The following COL11A1 variants were observed in gnomAD, a reference collection of about 807,000 sequenced individuals.
COL11A1 encodes collagen type XI alpha 1 chain, also known as collagen alpha-1(XI) chain.
COL11A1 carries 74 observed loss-of-function variants against 265.2 expected under a neutral mutation model. The observed-to-expected ratio is 0.28, with a 90% CI of 0.23 to 0.34. The LOEUF (loss-of-function observed/expected upper bound fraction) is 0.34, where lower values mean the gene tolerates loss of function less well. Ranked by LOEUF, COL11A1 falls within the 10% of genes least tolerant of loss-of-function variation. The pLI, the probability that COL11A1 is intolerant of heterozygous loss-of-function variation, is 1.00. For missense variants in COL11A1, 2,165 were observed against 2,263.6 expected, an observed-to-expected ratio of 0.96 and a Z score of 0.88; for synonymous variants, 816 against 727.6, an observed-to-expected ratio of 1.12 and a Z score of -1.96.
Position 102,998,297 on chromosome 1 carries a change from A to G in COL11A1, c.2196+13T>C. Reference sequence around the variant, plus strand: ...TGTAAAGAAATTTTAATGACCAGGTAGCTGTTACTTACAGGAGGCCCATCA... The same window carrying G: ...TGTAAAGAAATTTTAATGACCAGGTGGCTGTTACTTACAGGAGGCCCATCA... On this transcript the variant is annotated intron_variant, in intron 25 of 66. Transcript: ENST00000370096. 6.2e-7 allele frequency: 1 copy of G among 1,603,460 alleles called. No homozygotes were observed. The highest frequency in any genetic ancestry group is 8.5e-7 in the Non-Finnish European group (1 of 1,172,440).
chr1:102,924,565 A>C (rs1246088298), intron 46 of COL11A1, among the ~76,000 whole-genome samples: 3 of 152,196 alleles, frequency 2.0e-5, no homozygotes, highest in Admixed American at 6.5e-5. Flanking sequence ...TTAGGTGTTA[A>C]CTGTTTAGGA....
Position 102,940,360 on chromosome 1 carries a change from A to G in COL11A1, c.3351T>C (p.Gly1117=). Residue 1117 remains glycine, a synonymous_variant, in exon 43 of 67, where the codon GGT becomes GGC. Coordinates refer to ENST00000370096, the MANE Select transcript of COL11A1 (RefSeq NM_001854.4). ...CGTCTTCCCCAGGGGAGCCGGCAGG[A>G]CCAGCTGGCCCTGGGAGACCAACAG... The part of the protein sequence containing the change: ...QGPVGLPGPA[G]PAGSPGEDGD... The G allele has an allele frequency of 6.2e-7, 1 of 1,614,004 alleles. No individual in the cohort carries two copies. The highest frequency in any genetic ancestry group is 2.2e-5 in the East Asian group (1 of 44,870).
At chr1:103,007,110 A>G (rs1278151148) in intron 15 of COL11A1, among the ~76,000 whole-genome samples, 1 of 152,106 alleles carries the variant, frequency 6.6e-6, no homozygotes, top group East Asian at 1.9e-4. Flanking sequence ...GTGAACTGCT[A>G]AAGTCTTTAA....
chr1:103,055,249 A>G (rs1670152491), intron 4 of COL11A1, among the ~76,000 whole-genome samples: 1 of 152,294 alleles, frequency 6.6e-6, no homozygotes, highest in African/African-American at 2.4e-5. Context: ...TACTTGTTAG[A>G]TACTGTATGA....
Position 102,915,675 on chromosome 1 carries a change from C to T in COL11A1, c.3772G>A (p.Gly1258Arg), listed in dbSNP as rs1275206156. Reference sequence around the variant, plus strand: ...GGAGGCCCTGGGTTCCCTGCTTCTCCAGGTTCACCCTATATAGAGAAGATC... The same window carrying T: ...GGAGGCCCTGGGTTCCCTGCTTCTCTAGGTTCACCCTATATAGAGAAGATC... ...VGGVGEKGEP[G>R]EAGNPGPPGE... The change falls in exon 50 of 67, where the codon GGA (glycine) becomes AGA (arginine). Residue 1258 changes from glycine to arginine, a missense_variant. Gly to Arg is a moderately radical substitution (Grantham distance 125). Coordinates refer to ENST00000370096, the MANE Select transcript of COL11A1 (RefSeq NM_001854.4). 1 of 1,611,612 alleles carries T rather than the reference C, an allele frequency of 6.2e-7. No homozygotes were observed. Among genetic ancestry groups the T allele is most frequent in the Non-Finnish European group, 8.5e-7 (1 of 1,177,758 alleles).
rs1370272606 is a variant in COL11A1 at position 102,883,118 on chromosome 1, T to C, written c.4971+81A>G. 12 of 883,822 alleles carry C rather than the reference T, an allele frequency of 1.4e-5. No homozygotes were observed. The Admixed American group carries it at 1.9e-4, about 14-fold the overall frequency. 54.7% of individuals were successfully genotyped at this position (883,822 alleles called of 1,614,324 possible). ...AAGCAGATAAATGAAAATATGACAG[T>C]ATAATTTTCCTGTTTAGTTCAATAT... On this transcript the variant is annotated intron_variant, in intron 64 of 66. Transcript: ENST00000370096.
intron 63 of COL11A1, 65 bp downstream of exon 63, chr1:102,886,742 C>A: frequency 6.3e-7 from 1 of 1,582,546 alleles, no homozygotes; most frequent in African/African-American, 1.3e-5. Context: ...AATGAATGAG[C>A]TGCCAATGCA....
Position 103,026,285 on chromosome 1 carries a change from T to A in COL11A1, c.828A>T (p.Ala276=), listed in dbSNP as rs764926559. 41 of 1,613,666 alleles carry A rather than the reference T, an allele frequency of 2.5e-5. No individual in the cohort carries two copies. The South Asian group carries it at 4.3e-4, about 17-fold the overall frequency. Residue 276 remains alanine, a synonymous_variant, in exon 6 of 67, where the codon GCA becomes GCT. Coordinates refer to ENST00000370096, the MANE Select transcript of COL11A1 (RefSeq NM_001854.4). The stretch of plus-strand genomic sequence containing the variant: ...TTACACTTTCAGCCTCTTTATACTC[T>A]GCTTCCCCATACTCATAGTCATATT... ...IIEYDYEYGE[A]EYKEAESVTE...
chr1:103,025,188 C>G (rs1667418464), intron 7 of COL11A1, among the ~76,000 whole-genome samples: 1 of 152,038 alleles, frequency 6.6e-6, no homozygotes, highest in Non-Finnish European at 1.5e-5. Flanking sequence ...ATTCTTCTCA[C>G]AGAAGAAACA....
Position 102,978,433 on chromosome 1 carries a change from A to T in COL11A1, c.2754+275T>A, listed in dbSNP as rs182801385. ...GATGTTTCAAGTGTATTTAAAATTTAAAAAATATCTATTTTTGTCTTGACT... is the reference window on the plus strand; with the variant it reads ...GATGTTTCAAGTGTATTTAAAATTTTAAAAATATCTATTTTTGTCTTGACT... On this transcript the variant is annotated intron_variant, in intron 35 of 66. Transcript: ENST00000370096. Among the ~76,000 whole-genome samples, 6 of 152,298 alleles carry T rather than the reference A, an allele frequency of 3.9e-5. No homozygotes were observed. In the East Asian group the frequency reaches 9.7e-4, roughly 25 times the overall value.
chr1:102,923,341 G>C lies in COL11A1; in HGVS notation c.3649C>G (p.Pro1217Ala), dbSNP rs868619394. ...GEKGENGDVG[P>A]MGPPGPPGPR... ...CACCAAAAATAAAAACTTACCATGGGACCAACATCCCCATTTTCACCTTTT... is the reference window on the plus strand; with the variant it reads ...CACCAAAAATAAAAACTTACCATGGCACCAACATCCCCATTTTCACCTTTT... Residue 1217 changes from proline (P) to alanine (A), a missense_variant, in exon 47 of 67, where the codon CCC (proline) becomes GCC (alanine). Coordinates refer to ENST00000370096, the MANE Select transcript of COL11A1 (RefSeq NM_001854.4). The C allele has an allele frequency of 6.2e-7, 1 of 1,606,594 alleles. No homozygotes were observed. Among genetic ancestry groups the C allele is most frequent in the Non-Finnish European group, 8.5e-7 (1 of 1,175,690 alleles).
At chr1:102,919,382 C>T (rs1389122180) in intron 49 of COL11A1, among the ~76,000 whole-genome samples, 1 of 151,298 alleles carries the variant, frequency 6.6e-6, no homozygotes, top group Non-Finnish European at 1.5e-5. Context: ...GAATTAAATG[C>T]TTTAATTAAA....
rs756352775 is a variant in COL11A1 at position 103,015,730 on chromosome 1, G to T, written c.1426C>A (p.Arg476Ser). The T allele has an allele frequency of 6.2e-7, 1 of 1,604,248 alleles. No individual in the cohort carries two copies. The highest frequency in any genetic ancestry group is 1.1e-5 in the South Asian group (1 of 89,652). ...CCATCAGCCCCTGGTAAGCCAGGAC[G>T]TCCTGGGGGGCCCTAGAAAAATAAA... is the stretch of plus-strand genomic sequence containing the variant. ...GDPGDRGPPG[R>S]PGLPGADGLP... Residue 476 changes from arginine (R) to serine (S), a missense_variant, in exon 12 of 67, where the codon CGT becomes AGT. By Grantham distance (110) the Arg-to-Ser change is moderately radical. Coordinates refer to ENST00000370096, the MANE Select transcript of COL11A1 (RefSeq NM_001854.4).
intron 48 of COL11A1, among the ~76,000 whole-genome samples, chr1:102,921,201 A>G (rs191932644): frequency 1.3e-5 from 2 of 152,340 alleles, no homozygotes; most frequent in Admixed American, 6.5e-5. Context: ...TATCATATGC[A>G]AGGCACAGTC....
chr1:102,904,701 T>C lies in COL11A1; in HGVS notation c.4087-5707A>G, dbSNP rs377410605. On this transcript the variant is annotated intron_variant, in intron 54 of 66. Coordinates refer to ENST00000370096, the MANE Select transcript of COL11A1 (RefSeq NM_001854.4). Reference sequence around the variant, plus strand: ...TACCATCTCACACCAGTTAGAATGGTGATCATTAAAAAGTCAGGAAACAAC... The same window carrying C: ...TACCATCTCACACCAGTTAGAATGGCGATCATTAAAAAGTCAGGAAACAAC... Among the ~76,000 whole-genome samples the C allele has an allele frequency of 9.9e-5, 15 of 151,866 alleles. No homozygotes were observed. In the South Asian group the frequency reaches 1.0e-3, roughly 11 times the overall value.
chr1:103,008,118 G>T (rs1350381517), intron 15 of COL11A1, among the ~76,000 whole-genome samples: 1 of 152,046 alleles, frequency 6.6e-6, no homozygotes, highest in Non-Finnish European at 1.5e-5. Context: ...TTTATAAAAA[G>T]AAAGTGTTGA....
rs886327551 is a variant in COL11A1, at chr1:102,962,873, C to A, written c.2917-113G>T. The A allele has an allele frequency of 1.5e-5, 14 of 916,748 alleles. No homozygotes were observed. The African/African-American group carries it at 2.1e-4, about 14-fold the overall frequency. The allele number at this position is 916,748 out of a possible 1,614,324, so 56.8% of individuals were successfully genotyped here. ...CAAAAGTTTATCATCCTCACTTATT[C>A]TCATGATGTCCTACAAAACACTTCA... On this transcript the variant is annotated intron_variant, in intron 38 of 66. Coordinates refer to ENST00000370096, the MANE Select transcript of COL11A1 (RefSeq NM_001854.4).
chr1:102,952,896 A>T (rs879832285), intron 41 of COL11A1, among the ~76,000 whole-genome samples: 10 of 152,192 alleles, frequency 6.6e-5, no homozygotes, highest in African/African-American at 2.4e-4. Context: ...TATATTTTTT[A>T]AGCAAAAATT....
At chr1:103,075,775 G>A (rs11164661) in intron 3 of COL11A1, among the ~76,000 whole-genome samples, 20,880 of 151,992 alleles carry the variant, frequency 0.14, 1,587 homozygotes, top group Non-Finnish European at 0.16. Flanking sequence ...AAAGTTGCAG[G>A]AGCCCTCGTA....
Sources: allele counts gnomAD v4.1 joint callset (sites outside exome capture counted in the v4.1 genomes callset), GRCh38; gene constraint gnomAD v4.1.1; transcripts MANE v1.5; gene names NCBI Gene and HGNC (gene_info 2026-07-23, HGNC 2026-07-21).